DCC: variants seen among roughly 807,000 people sequenced by gnomAD.
The protein encoded by DCC is DCC netrin 1 receptor, also known as netrin receptor DCC.
In DCC, 58 loss-of-function variants were observed where a neutral mutation model predicts 172.5. That is an observed-to-expected ratio of 0.34 (90% CI 0.27 to 0.42). The LOEUF (loss-of-function observed/expected upper bound fraction) is 0.42, where lower values mean the gene tolerates loss of function less well. Among genes scored for constraint, DCC ranks in the 10% least tolerant of loss-of-function variants. DCC has a pLI of 1.00. For missense variants in DCC, 1,740 were observed against 1,791.0 expected (o/e 0.97, Z 0.51); for synonymous variants, 709 against 644.5 (o/e 1.10, Z -1.52).
chr18:53,301,889 T>C (rs2057146108), intron 12 of DCC, among the ~76,000 whole-genome samples: 1 of 152,168 alleles, frequency 6.6e-6, no homozygotes, highest in African/African-American at 2.4e-5. Flanking sequence ...AATATACTGG[T>C]ATTCTAGGGC....
intron 12 of DCC, among the ~76,000 whole-genome samples, chr18:53,294,278 A>T (rs1161037958): frequency 6.6e-6 from 1 of 152,204 alleles, no homozygotes; most frequent in Admixed American, 6.6e-5. Flanking sequence ...CTTGAAAAAG[A>T]TCTTGGGGAT....
chr18:52,394,272 T>C (rs185401968), intron 1 of DCC, among the ~76,000 whole-genome samples: 1 of 151,924 alleles, frequency 6.6e-6, no homozygotes, highest in African/African-American at 2.4e-5. Context: ...TGATGATTAT[T>C]ATTATTATTA....
intron 1 of DCC, among the ~76,000 whole-genome samples, chr18:52,671,067 A>G (rs2035543366): frequency 6.6e-6 from 1 of 152,164 alleles, no homozygotes; most frequent in Non-Finnish European, 1.5e-5. Context: ...ACAAGTCATA[A>G]CCGAGCTTAT....
chr18:53,161,515 A>T (rs2054839454), intron 8 of DCC, among the ~76,000 whole-genome samples: 1 of 152,124 alleles, frequency 6.6e-6, no homozygotes, highest in Admixed American at 6.6e-5. Context: ...GAACATGCTG[A>T]TGTGTTCCAA....
At chr18:52,381,512 C>A (rs1044834907) in intron 1 of DCC, among the ~76,000 whole-genome samples, 10 of 152,082 alleles carry the variant, frequency 6.6e-5, no homozygotes, top group African/African-American at 2.4e-4. Context: ...CATTGAGGAA[C>A]CTGACCCAGC....
At chr18:53,277,874 G>A (rs545969209) in intron 12 of DCC, among the ~76,000 whole-genome samples, 16 of 152,084 alleles carry the variant, frequency 1.1e-4, no homozygotes, top group East Asian at 1.9e-4. Context: ...TGCTGCTGCC[G>A]AAACATTTCC....
intron 17 of DCC, among the ~76,000 whole-genome samples, chr18:53,394,559 T>C (rs1430819146): frequency 6.6e-6 from 1 of 152,098 alleles, no homozygotes; most frequent in Non-Finnish European, 1.5e-5. Flanking sequence ...ATTCAAAATA[T>C]ATCCATCGAG....
chr18:52,692,204 C>G (rs1300281179), intron 1 of DCC, among the ~76,000 whole-genome samples: 1 of 152,100 alleles, frequency 6.6e-6, no homozygotes, highest in African/African-American at 2.4e-5. Flanking sequence ...TATTCTTTGA[C>G]AGGGTAATGC....
At chr18:52,354,834 C>A (rs1984288549) in intron 1 of DCC, among the ~76,000 whole-genome samples, 1 of 152,038 alleles carries the variant, frequency 6.6e-6, no homozygotes, top group Non-Finnish European at 1.5e-5. Context: ...TTTTCTTTTT[C>A]TCTCTCCCCT....
chr18:52,987,857 C>G (rs2041319928), intron 5 of DCC, among the ~76,000 whole-genome samples: 1 of 152,214 alleles, frequency 6.6e-6, no homozygotes, highest in African/African-American at 2.4e-5. Flanking sequence ...ACTGTCTGCA[C>G]AAATGTATTT....
rs1206232175 is a variant in DCC at position 53,527,089 on chromosome 18, ACGTGTGTG to A, written c.4254+331_4254+338del. Reference sequence around the variant, plus strand: ...ATATACACATGATATACACATGGATACGTGTGTGTGTGTGTGTGTGTGTGTGTGTGTGT... The same window carrying A: ...ATATACACATGATATACACATGGATATGTGTGTGTGTGTGTGTGTGTGTGT... On this transcript the variant is annotated intron_variant, in intron 28 of 28. Coordinates refer to ENST00000442544, the MANE Select transcript of DCC (RefSeq NM_005215.4). 8 of 297,218 alleles carry A rather than the reference ACGTGTGTG, an allele frequency of 2.7e-5. No homozygotes were observed. In the East Asian group the frequency reaches 4.6e-4, roughly 17 times the overall value. 18.4% of individuals were successfully genotyped at this position (297,218 alleles called of 1,614,324 possible).
intron 12 of DCC, among the ~76,000 whole-genome samples, chr18:53,277,126 G>T (rs1568407335): frequency 6.6e-6 from 1 of 152,072 alleles, no homozygotes; most frequent in Non-Finnish European, 1.5e-5. Context: ...ACATATACAG[G>T]AATACATTTT....
chr18:53,492,805 G>C (rs2045973932), intron 26 of DCC, among the ~76,000 whole-genome samples: 1 of 152,026 alleles, frequency 6.6e-6, no homozygotes, highest in South Asian at 2.1e-4. Flanking sequence ...GGCTATATGA[G>C]CTCTTTTCTC....
chr18:53,226,948 A>ATTTTTTTTTTTT (rs397976119), intron 12 of DCC, among the ~76,000 whole-genome samples: 4 of 52,948 alleles, frequency 7.6e-5, no homozygotes, highest in African/African-American at 2.8e-4. Context: ...ATATATATAT[A>ATTTTTTTTTTTT]TTTTTTTTTT....
At chr18:53,452,861 C>G (rs2045432334) in intron 23 of DCC, among the ~76,000 whole-genome samples, 1 of 152,020 alleles carries the variant, frequency 6.6e-6, no homozygotes, top group South Asian at 2.1e-4. Context: ...ATGTTTCCTT[C>G]AAGTTATTTC....
intron 1 of DCC, among the ~76,000 whole-genome samples, chr18:52,615,269 T>C (rs1029166329): frequency 1.3e-5 from 2 of 152,212 alleles, no homozygotes; most frequent in African/African-American, 2.4e-5. Flanking sequence ...CAGACAGATT[T>C]ATGTAACTCT....
intron 15 of DCC, among the ~76,000 whole-genome samples, chr18:53,347,473 T>C (rs2057738963): frequency 6.6e-6 from 1 of 152,140 alleles, no homozygotes; most frequent in African/African-American, 2.4e-5. Flanking sequence ...TTAAATATTT[T>C]TGGGCAGCTG....
At chr18:52,610,382 C>CAAAAAAAAAAAAAAAAAAAAAAAAAAA (rs55715009) in intron 1 of DCC, among the ~76,000 whole-genome samples, 2 of 49,970 alleles carry the variant, frequency 4.0e-5, no homozygotes, top group Non-Finnish European at 6.1e-5. Flanking sequence ...TCTGTCTCAA[C>CAAAAAAAAAAAAAAAAAAAAAAAAAAA]AAAAAAAAAA....
Position 52,372,910 on chromosome 18 carries a change from C to T in DCC, c.91+32032C>T, listed in dbSNP as rs201445367. On this transcript the variant is annotated intron_variant, in intron 1 of 28. Transcript: ENST00000442544. Reference sequence around the variant, plus strand: ...CAACCATTGGAAACAATTTATTGTTCGAATGGAAAATGCAGTGCATTTTGC... The same window carrying T: ...CAACCATTGGAAACAATTTATTGTTTGAATGGAAAATGCAGTGCATTTTGC... Among the ~76,000 whole-genome samples, 2 of 152,078 alleles carry T rather than the reference C, an allele frequency of 1.3e-5. 1 individual carries two copies. The highest frequency in any genetic ancestry group is 2.9e-5 in the Non-Finnish European group (2 of 68,018).
Sources: allele counts gnomAD v4.1 joint callset (sites outside exome capture counted in the v4.1 genomes callset), GRCh38; gene constraint gnomAD v4.1.1; transcripts MANE v1.5; gene names NCBI Gene and HGNC (gene_info 2026-07-23, HGNC 2026-07-21).